The following MCC variants were observed in gnomAD, a reference collection of about 807,000 sequenced individuals.
MCC encodes MCC regulator of Wnt signaling pathway.
Under a neutral mutation model 116.2 loss-of-function variants are expected in MCC, and 90 were observed. That is an observed-to-expected ratio of 0.77 (90% CI 0.65 to 0.92). The LOEUF (loss-of-function observed/expected upper bound fraction) is 0.92, where lower values mean the gene tolerates loss of function less well. MCC is among the 40% of genes least tolerant of loss of function. The pLI is 0.00. For missense variants in MCC, 1,516 were observed against 1,312.2 expected (o/e 1.16, Z -2.40); for synonymous variants, 578 against 510.5 (o/e 1.13, Z -1.78).
At chr5:113,135,558 C>CAAA (rs11377680) in intron 5 of MCC, among the ~76,000 whole-genome samples, 32 of 102,640 alleles carry the variant, frequency 3.1e-4, no homozygotes, top group South Asian at 1.7e-3. Flanking sequence ...GACTCTGTCT[C>CAAA]AAAAAAAAAA....
intron 14 of MCC, 43 bp from the exon 15 acceptor site, chr5:113,054,002 C>G: frequency 7.1e-7 from 1 of 1,404,402 alleles, no homozygotes. Flanking sequence ...CTGTGTTATT[C>G]CAAGTCATGG....
chr5:113,228,340 C>CAT (rs1188807672), intron 3 of MCC, among the ~76,000 whole-genome samples: 1 of 152,142 alleles, frequency 6.6e-6, no homozygotes, highest in Non-Finnish European at 1.5e-5. Context: ...TACACACACA[C>CAT]ACACCACCCC....
intron 3 of MCC, among the ~76,000 whole-genome samples, chr5:113,220,729 C>T (rs59823901): frequency 0.12 from 18,585 of 152,004 alleles, 1,899 homozygotes; most frequent in African/African-American, 0.27. Context: ...TTGTAGATAC[C>T]GTAGGATTTT....
chr5:113,043,717 G>C (rs576932584), intron 16 of MCC, 87 bp from the exon 17 acceptor site: 3 of 883,894 alleles, frequency 3.4e-6, no homozygotes, highest in African/African-American at 3.3e-5. Flanking sequence ...TAGGTGGCTC[G>C]TGCAGTGATG....
At position 113,282,905 on chromosome 5, in the gene MCC, C is replaced by G. The variant is rs1012324548; in HGVS notation, c.627+57614G>C. 2.6e-5 allele frequency among the ~76,000 whole-genome samples: 4 copies of G among 152,352 alleles called. No homozygotes were observed. In the South Asian group the frequency reaches 8.3e-4, roughly 32 times the overall value. ...CACAAGCCCCTCTTGCTAAAGCCCTCTCCTAAAACTCCTCTTTGAAGACTG... is the reference window on the plus strand; with the variant it reads ...CACAAGCCCCTCTTGCTAAAGCCCTGTCCTAAAACTCCTCTTTGAAGACTG... On this transcript the variant is annotated intron_variant, in intron 3 of 18. Coordinates refer to ENST00000408903, the MANE Select transcript of MCC (RefSeq NM_001085377.2).
At position 113,226,825 on chromosome 5, in the gene MCC, C is replaced by T. The variant is rs184172808; in HGVS notation, c.628-75403G>A. Among the ~76,000 whole-genome samples the T allele has an allele frequency of 3.9e-5, 6 of 152,202 alleles. No individual in the cohort carries two copies. The East Asian group carries it at 1.2e-3, about 29-fold the overall frequency. On this transcript the variant is annotated intron_variant, in intron 3 of 18. Transcript: ENST00000408903. ...ATTATTTATCACTGGGTGAAGAGGC[C>T]TTATAAGATAGTCTTGACTCAGGCC...
intron 1 of MCC, among the ~76,000 whole-genome samples, chr5:113,386,930 G>A (rs1268835166): frequency 6.6e-6 from 1 of 152,036 alleles, no homozygotes; most frequent in East Asian, 1.9e-4. Flanking sequence ...CCACAGTAGT[G>A]TTATAAAAGT....
chr5:113,186,451 G>A (rs942983493), intron 3 of MCC, among the ~76,000 whole-genome samples: 1 of 152,150 alleles, frequency 6.6e-6, no homozygotes, highest in Non-Finnish European at 1.5e-5. Context: ...TAGAAATGCG[G>A]TCAGCCTCCC....
At position 113,229,920 on chromosome 5, in the gene MCC, C is replaced by T. The variant is rs545315475; in HGVS notation, c.628-78498G>A. ...ACACTATGAAGTTTGAACAACTGATCCCCTAACAACACATTTCTCAAAATG... is the reference window on the plus strand; with the variant it reads ...ACACTATGAAGTTTGAACAACTGATTCCCTAACAACACATTTCTCAAAATG... On this transcript the variant is annotated intron_variant, in intron 3 of 18. Coordinates refer to ENST00000408903, the MANE Select transcript of MCC (RefSeq NM_001085377.2). 7.2e-5 allele frequency among the ~76,000 whole-genome samples: 11 copies of T among 152,290 alleles called. No homozygotes were observed. The South Asian group carries it at 1.7e-3, about 23-fold the overall frequency.
At chr5:113,429,091 C>G (rs1770555786) in intron 1 of MCC, among the ~76,000 whole-genome samples, 1 of 152,142 alleles carries the variant, frequency 6.6e-6, no homozygotes, top group African/African-American at 2.4e-5. Flanking sequence ...TACATATACT[C>G]TTTTTGAGGG....
intron 1 of MCC, among the ~76,000 whole-genome samples, chr5:113,481,234 T>A (rs746350208): frequency 7.2e-5 from 11 of 152,190 alleles, no homozygotes; most frequent in Non-Finnish European, 1.6e-4. Flanking sequence ...CTCAACAATT[T>A]TAAGGGAGTC....
intron 8 of MCC, among the ~76,000 whole-genome samples, chr5:113,089,428 G>C (rs1755440996): frequency 6.6e-6 from 1 of 152,236 alleles, no homozygotes; most frequent in African/African-American, 2.4e-5. Context: ...CATTTGATTA[G>C]AGGAGAAAAT....
Position 113,209,848 on chromosome 5 carries a change from GAACA to G in MCC, c.628-58430_628-58427del, listed in dbSNP as rs373662127. ...AAAAGAAAAACACCAAGTCTGACCA[GAACA>G]AACAAACAAACAAAAGCAAAACAAA... On this transcript the variant is annotated intron_variant, in intron 3 of 18. Coordinates refer to ENST00000408903, the MANE Select transcript of MCC (RefSeq NM_001085377.2). 1.8e-3 allele frequency among the ~76,000 whole-genome samples: 266 copies of G among 151,828 alleles called. 1 individual carries two copies. Among genetic ancestry groups the G allele is most frequent in the African/African-American group, 5.9e-3 (245 of 41,388 alleles).
intron 3 of MCC, among the ~76,000 whole-genome samples, chr5:113,330,466 G>A (rs1767672398): frequency 6.6e-6 from 1 of 152,202 alleles, no homozygotes; most frequent in Non-Finnish European, 1.5e-5. Context: ...TAGGAAGTAT[G>A]TTTCCTATCT....
intron 11 of MCC, 114 bp downstream of exon 11, chr5:113,082,746 G>A (rs570138848): frequency 4.3e-5 from 56 of 1,287,788 alleles, no homozygotes; most frequent in Middle Eastern, 5.2e-4. Flanking sequence ...CCAGCCTGAC[G>A]GTACTGCTCT....
intron 15 of MCC, among the ~76,000 whole-genome samples, chr5:113,050,697 C>T (rs1752427607): frequency 1.3e-5 from 2 of 152,366 alleles, no homozygotes; most frequent in South Asian, 4.1e-4. Flanking sequence ...GTGATGGTCG[C>T]TTCCAGAACA....
At chr5:113,378,483 T>C (rs1168074363) in intron 2 of MCC, among the ~76,000 whole-genome samples, 4 of 152,174 alleles carry the variant, frequency 2.6e-5, no homozygotes, top group Non-Finnish European at 5.9e-5. Context: ...TTAAAGGTAA[T>C]TGTACTAATT....
At chr5:113,150,352 C>T (rs1382325573) in intron 4 of MCC, among the ~76,000 whole-genome samples, 2 of 152,084 alleles carry the variant, frequency 1.3e-5, no homozygotes, top group Non-Finnish European at 2.9e-5. Context: ...AAATCCCATA[C>T]AAAGTTATAC....
chr5:113,032,419 AAAAAAAAAAAAGG>A (rs1344451127), intron 17 of MCC, among the ~76,000 whole-genome samples: 1 of 151,682 alleles, frequency 6.6e-6, no homozygotes, highest in African/African-American at 2.4e-5. Context: ...AAAAAAAAAA[AAAAAAAAAAAAGG>A]ATACTGATTA....
Sources: gnomAD v4.1 joint callset for allele counts (sites outside exome capture counted in the v4.1 genomes callset) on GRCh38, gnomAD v4.1.1 for gene constraint, MANE v1.5 for transcripts, NCBI Gene and HGNC (gene_info 2026-07-23, HGNC 2026-07-21) for gene names.